ENOX1: variants seen among roughly 807,000 people sequenced by gnomAD.
ENOX1 encodes candidate growth-related and time keeping constitutive hydroquinone (NADH) oxidase.
ENOX1 carries 42 observed loss-of-function variants against 82.5 expected under a neutral mutation model. The observed-to-expected ratio is 0.51, with a 90% CI of 0.40 to 0.66. The LOEUF is 0.66. ENOX1 is among the 30% of genes least tolerant of loss of function. The pLI is 0.00. For missense variants in ENOX1, 608 were observed against 811.6 expected (o/e 0.75, Z 3.05); for synonymous variants, 271 against 282.2 (o/e 0.96, Z 0.40).
chr13:43,701,091 G>A (rs965864879), intron 1 of ENOX1, among the ~76,000 whole-genome samples: 6 of 152,192 alleles, frequency 3.9e-5, no homozygotes, highest in African/African-American at 1.4e-4. Context: ...CCTTTAGAGG[G>A]TTCCAATTAG....
At chr13:43,578,443 T>G in intron 2 of ENOX1, among the ~76,000 whole-genome samples, 1 of 152,210 alleles carries the variant, frequency 6.6e-6, no homozygotes, top group East Asian at 1.9e-4. Flanking sequence ...TTATCTCTAA[T>G]TCTTAATAAT....
intron 5 of ENOX1, among the ~76,000 whole-genome samples, chr13:43,397,117 T>G (rs948156591): frequency 2.0e-5 from 3 of 152,248 alleles, no homozygotes; most frequent in African/African-American, 7.2e-5. Context: ...ATCTCTGGCA[T>G]GCCCCTCTCT....
At chr13:43,347,512 C>A (rs1343121535) in intron 8 of ENOX1, among the ~76,000 whole-genome samples, 1 of 152,010 alleles carries the variant, frequency 6.6e-6, no homozygotes, top group African/African-American at 2.4e-5. Flanking sequence ...ATATTTGTTG[C>A]CATGTAAGAA....
At chr13:43,221,517 C>T (rs1165275370) in intron 16 of ENOX1, among the ~76,000 whole-genome samples, 1 of 152,114 alleles carries the variant, frequency 6.6e-6, no homozygotes, top group Admixed American at 6.5e-5. Context: ...CATGGCTGCC[C>T]CCAACCCGGA....
intron 11 of ENOX1, among the ~76,000 whole-genome samples, chr13:43,318,234 C>T (rs1471447879): frequency 6.6e-6 from 1 of 152,164 alleles, no homozygotes; most frequent in African/African-American, 2.4e-5. Context: ...CATTTGTGTT[C>T]AAAGTACACT....
chr13:43,411,978 G>A lies in ENOX1; in HGVS notation c.146C>T (p.Ala49Val). The A allele has an allele frequency of 6.2e-7, 1 of 1,614,210 alleles. No individual in the cohort carries two copies. The highest frequency in any genetic ancestry group is 8.5e-7 in the Non-Finnish European group (1 of 1,180,036). The change falls in exon 5 of 17, where the codon GCT (alanine) becomes GTT (valine). Residue 49 changes from alanine to valine, a missense_variant. Physicochemically the swap from Ala to Val is moderately conservative, Grantham distance 64 (BLOSUM62 0). Transcript: ENST00000690772. ...NMSVTDPTAW[A>V]TAMNNLGMVP... ...CATGCCCAGGTTATTCATGGCTGTA[G>A]CCCAGGCTGTGGGATCTGTCACGGA...
At chr13:43,252,191 G>T (rs1412383599) in intron 14 of ENOX1, among the ~76,000 whole-genome samples, 1 of 152,202 alleles carries the variant, frequency 6.6e-6, no homozygotes, top group Non-Finnish European at 1.5e-5. Context: ...TCACAGAGAG[G>T]CTGATAGAAC....
At chr13:43,449,499 ACAAT>A (rs1372821527) in intron 3 of ENOX1, among the ~76,000 whole-genome samples, 2 of 152,222 alleles carry the variant, frequency 1.3e-5, no homozygotes, top group Non-Finnish European at 2.9e-5. Context: ...TGATCATAAA[ACAAT>A]CAATAGAAAG....
chr13:43,344,815 C>T (rs777738000), intron 8 of ENOX1, 65 bp from the exon 9 acceptor site: 41 of 1,530,240 alleles, frequency 2.7e-5, no homozygotes, highest in Non-Finnish European at 3.6e-5. Flanking sequence ...TATTCTTGTT[C>T]CTCTCAAAAG....
At chr13:43,630,204 GC>G (rs2083142252) in intron 2 of ENOX1, among the ~76,000 whole-genome samples, 1 of 152,114 alleles carries the variant, frequency 6.6e-6, no homozygotes, top group African/African-American at 2.4e-5. Flanking sequence ...CCCTTTATAG[GC>G]AGCTTCTTTT....
Position 43,226,846 on chromosome 13 carries a change from C to T in ENOX1, c.1715-2708G>A, listed in dbSNP as rs144418892. Reference sequence around the variant, plus strand: ...CATTCCTCGGGTGGACATCTGCTTACGCAGCAGGGCTGAGACAGGGAGTGG... The same window carrying T: ...CATTCCTCGGGTGGACATCTGCTTATGCAGCAGGGCTGAGACAGGGAGTGG... On this transcript the variant is annotated intron_variant, in intron 15 of 16. Transcript: ENST00000690772. 4.8e-3 allele frequency among the ~76,000 whole-genome samples: 737 copies of T among 152,274 alleles called. 4 individuals are homozygous for T. Among genetic ancestry groups the T allele is most frequent in the Middle Eastern group, 0.031 (9 of 294 alleles).
At chr13:43,256,397 C>G (rs1207055055) in intron 14 of ENOX1, among the ~76,000 whole-genome samples, 1 of 152,104 alleles carries the variant, frequency 6.6e-6, no homozygotes, top group Admixed American at 6.6e-5. Context: ...TATTTGCAAA[C>G]TCTCCATCTG....
chr13:43,683,210 A>T (rs2085884784), intron 1 of ENOX1, among the ~76,000 whole-genome samples: 1 of 152,128 alleles, frequency 6.6e-6, no homozygotes, highest in African/African-American at 2.4e-5. Context: ...TTTGGGGGTG[A>T]GCTGCAAGGC....
intron 3 of ENOX1, among the ~76,000 whole-genome samples, chr13:43,438,182 T>A (rs1251190647): frequency 6.6e-6 from 1 of 152,136 alleles, no homozygotes; most frequent in African/African-American, 2.4e-5. Flanking sequence ...GGAGACCAAA[T>A]GGAATATTTT....
At chr13:43,385,893 C>T (rs899599991) in intron 5 of ENOX1, among the ~76,000 whole-genome samples, 1 of 152,094 alleles carries the variant, frequency 6.6e-6, no homozygotes, top group Non-Finnish European at 1.5e-5. Context: ...GGGCCGGGCA[C>T]CGTGGCCCAT....
intron 1 of ENOX1, among the ~76,000 whole-genome samples, chr13:43,783,003 C>T (rs1952362592): frequency 6.6e-6 from 1 of 152,286 alleles, no homozygotes; most frequent in South Asian, 2.1e-4. Context: ...CAGATCACTA[C>T]ACCAACAGTA....
At chr13:43,585,565 TTTAAG>T (rs1246238068) in intron 2 of ENOX1, among the ~76,000 whole-genome samples, 1 of 152,126 alleles carries the variant, frequency 6.6e-6, no homozygotes, top group Non-Finnish European at 1.5e-5. Flanking sequence ...CCTAAATTCT[TTTAAG>T]TTTTGTTTTT....
In ENOX1 at chr13:43,398,296, G is replaced by A. The variant is rs140325778; in HGVS notation, c.208+13620C>T. On this transcript the variant is annotated intron_variant, in intron 5 of 16. Coordinates refer to ENST00000690772, the MANE Select transcript of ENOX1 (RefSeq NM_001347969.2). ...AATTTTTCAGTTTTAAAACTGCATC[G>A]TAAGTAAGACCACAGAAATGTAGCA... Among the ~76,000 whole-genome samples the A allele has an allele frequency of 1.6e-4, 25 of 152,210 alleles. No individual in the cohort carries two copies. The East Asian group carries it at 3.5e-3, about 21-fold the overall frequency.
intron 14 of ENOX1, among the ~76,000 whole-genome samples, chr13:43,245,447 G>C (rs2153464053): frequency 6.6e-6 from 1 of 152,288 alleles, no homozygotes; most frequent in Non-Finnish European, 1.5e-5. Context: ...GAAGCAGAGT[G>C]AGAAAAACAA....
Sources: allele counts gnomAD v4.1 joint callset (sites outside exome capture counted in the v4.1 genomes callset), GRCh38; gene constraint gnomAD v4.1.1; transcripts MANE v1.5; gene names NCBI Gene and HGNC (gene_info 2026-07-23, HGNC 2026-07-21).